The following WSCD2 variants were observed in gnomAD, a reference collection of about 807,000 sequenced individuals.
WSCD2 encodes the protein sialate:O-sulfotransferase 2.
WSCD2 carries 28 observed loss-of-function variants against 55.7 expected under a neutral mutation model. That is an observed-to-expected ratio of 0.50 (90% CI 0.37 to 0.69). The LOEUF (loss-of-function observed/expected upper bound fraction) is 0.69, where lower values mean the gene tolerates loss of function less well. WSCD2 is among the 30% of genes least tolerant of loss of function. WSCD2 has a pLI of 0.00. For missense variants in WSCD2, 616 were observed against 762.1 expected, an observed-to-expected ratio of 0.81 and a Z score of 2.26; for synonymous variants, 301 against 301.9, an observed-to-expected ratio of 1.00 and a Z score of 0.03.
chr12:108,182,653 T>A (rs1881940164), intron 1 of WSCD2, among the ~76,000 whole-genome samples: 1 of 151,862 alleles, frequency 6.6e-6, no homozygotes, highest in African/African-American at 2.4e-5. Context: ...GGTAGAGGAG[T>A]AGTCAATTAC....
At chr12:108,162,244 G>A (rs1270414624) in intron 1 of WSCD2, among the ~76,000 whole-genome samples, 2 of 152,176 alleles carry the variant, frequency 1.3e-5, no homozygotes, top group Non-Finnish European at 1.5e-5. Flanking sequence ...CCTCCTTTGG[G>A]CTTCTTCAGC....
chr12:108,182,588 G>A (rs1195170697), intron 1 of WSCD2, among the ~76,000 whole-genome samples: 2 of 152,194 alleles, frequency 1.3e-5, no homozygotes, highest in Non-Finnish European at 2.9e-5. Context: ...AAGCTGGAGG[G>A]GAAAGAAGGT....
intron 1 of WSCD2, among the ~76,000 whole-genome samples, chr12:108,180,596 A>G (rs1314787825): frequency 6.6e-6 from 1 of 152,228 alleles, no homozygotes; most frequent in African/African-American, 2.4e-5. Flanking sequence ...TTTTATTTTT[A>G]TGTTTTACTA....
At chr12:108,204,928 T>G (rs1885140370) in intron 2 of WSCD2, among the ~76,000 whole-genome samples, 1 of 152,222 alleles carries the variant, frequency 6.6e-6, no homozygotes, top group African/African-American at 2.4e-5. Flanking sequence ...TTAAGTGGCA[T>G]TTAGTATTTT....
intron 1 of WSCD2, among the ~76,000 whole-genome samples, chr12:108,153,996 AAGTGTGATGCT>A (rs1296359269): frequency 2.0e-5 from 3 of 152,102 alleles, no homozygotes; most frequent in Non-Finnish European, 4.4e-5. Flanking sequence ...AGTCTAGATG[AAGTGTGATGCT>A]CAACACATGG....
intron 8 of WSCD2, among the ~76,000 whole-genome samples, chr12:108,245,022 T>C (rs893144233): frequency 6.6e-5 from 10 of 152,316 alleles, no homozygotes; most frequent in East Asian, 3.9e-4. Context: ...TTTGCTATTA[T>C]GAATAGTGCT....
intron 1 of WSCD2, among the ~76,000 whole-genome samples, chr12:108,174,795 G>T (rs1565934069): frequency 6.6e-6 from 1 of 152,078 alleles, no homozygotes; most frequent in African/African-American, 2.4e-5. Context: ...TAAAACGTGA[G>T]TTTTTTTGCA....
chr12:108,167,969 G>T (rs1358892040), intron 1 of WSCD2, among the ~76,000 whole-genome samples: 1 of 152,098 alleles, frequency 6.6e-6, no homozygotes, highest in African/African-American at 2.4e-5. Context: ...ATGATCCTGG[G>T]GCTGCAATCA....
At position 108,210,645 on chromosome 12, in the gene WSCD2, A is replaced by G. The variant is rs1408533750; in HGVS notation, c.682+340A>G. Among the ~76,000 whole-genome samples, 2 of 152,210 alleles carry G rather than the reference A, an allele frequency of 1.3e-5. No homozygotes were observed. The highest frequency in any genetic ancestry group is 4.8e-5 in the African/African-American group (2 of 41,448). The stretch of plus-strand genomic sequence containing the variant: ...TTCTCAGAGCAGACTGTCTCTAATG[A>G]TGATGATGGTGGTAATGGCAATAGC... On this transcript the variant is annotated intron_variant, in intron 4 of 8. Transcript: ENST00000547525. This position sits in a 1 kb window ranked among gnomAD's most constrained non-coding sequence, Gnocchi z 4.3.
chr12:108,240,897 T>A (rs1487570073), intron 8 of WSCD2, among the ~76,000 whole-genome samples: 1 of 152,210 alleles, frequency 6.6e-6, no homozygotes, highest in Non-Finnish European at 1.5e-5. Flanking sequence ...TGGCCCCATC[T>A]ATAAAGTGAA....
At chr12:108,148,957 A>G (rs1344141503) in intron 1 of WSCD2, among the ~76,000 whole-genome samples, 2 of 152,154 alleles carry the variant, frequency 1.3e-5, no homozygotes, top group African/African-American at 4.8e-5. Flanking sequence ...GGCTGATTTC[A>G]AGGTGGGGGT....
chr12:108,199,667 C>G (rs564071669), intron 2 of WSCD2, among the ~76,000 whole-genome samples: 57 of 152,332 alleles, frequency 3.7e-4, no homozygotes, highest in African/African-American at 1.3e-3. Context: ...CTGTTCAAAG[C>G]ATTTACATCT....
intron 1 of WSCD2, among the ~76,000 whole-genome samples, chr12:108,146,591 C>G (rs1485411250): frequency 2.0e-5 from 3 of 152,102 alleles, no homozygotes; most frequent in African/African-American, 7.2e-5. Context: ...ATAAACTGTC[C>G]CAGATGGAGC....
intron 1 of WSCD2, among the ~76,000 whole-genome samples, chr12:108,132,856 G>A (rs1718914661): frequency 6.6e-6 from 1 of 152,198 alleles, no homozygotes; most frequent in African/African-American, 2.4e-5. Context: ...CAGGCATTAT[G>A]TATCTGCATG....
chr12:108,245,137 T>C lies in WSCD2; in HGVS notation c.1346-2854T>C, dbSNP rs76827086. Among the ~76,000 whole-genome samples the C allele has an allele frequency of 5.6e-3, 860 of 152,286 alleles. 3 individuals are homozygous for C. Among genetic ancestry groups the C allele is most frequent in the Admixed American group, 0.011 (164 of 15,298 alleles). On this transcript the variant is annotated intron_variant, in intron 8 of 8. Coordinates refer to ENST00000547525, the MANE Select transcript of WSCD2 (RefSeq NM_014653.4). Reference sequence around the variant, plus strand: ...AATTGAATGGTACTTCTATTTTTAGTTCTTGAGAAATCTCCACACTGTTTT... The same window carrying C: ...AATTGAATGGTACTTCTATTTTTAGCTCTTGAGAAATCTCCACACTGTTTT...
chr12:108,203,111 G>T (rs34487978), intron 2 of WSCD2, among the ~76,000 whole-genome samples: 1 of 152,118 alleles, frequency 6.6e-6, no homozygotes, highest in Non-Finnish European at 1.5e-5. Flanking sequence ...GGGTGGACTC[G>T]GGCAAGTTGC....
chr12:108,231,549 A>C (rs1888761107), intron 6 of WSCD2, among the ~76,000 whole-genome samples: 1 of 152,228 alleles, frequency 6.6e-6, no homozygotes, highest in Non-Finnish European at 1.5e-5. Flanking sequence ...GCTAGAGAAA[A>C]ATAATATCTA....
In WSCD2 at chr12:108,163,901, G is replaced by A. The variant is rs200541267; in HGVS notation, c.-551-31381G>A. On this transcript the variant is annotated intron_variant, in intron 1 of 8. Transcript: ENST00000547525. ...TGGTCATATGTTACTGCAGCCACAG[G>A]AAACTAATATACTAAGCATGGATAA... 9.2e-5 allele frequency among the ~76,000 whole-genome samples: 14 copies of A among 152,164 alleles called. No homozygotes were observed. The East Asian group carries it at 2.1e-3, about 23-fold the overall frequency.
At chr12:108,242,774 C>T (rs1889853185) in intron 8 of WSCD2, among the ~76,000 whole-genome samples, 1 of 152,218 alleles carries the variant, frequency 6.6e-6, no homozygotes, top group South Asian at 2.1e-4. Flanking sequence ...TCTCCCTCCC[C>T]AACACCGACA....
Sources: allele counts gnomAD v4.1 joint callset (sites outside exome capture counted in the v4.1 genomes callset), GRCh38; gene constraint gnomAD v4.1.1; non-coding constraint Gnocchi (gnomAD v3.1); transcripts MANE v1.5; gene names NCBI Gene and HGNC (gene_info 2026-07-23, HGNC 2026-07-21).